RNF2: variants seen among roughly 807,000 people sequenced by gnomAD.
The protein encoded by RNF2 is E3 ubiquitin-protein ligase RING2.
In RNF2, 6 loss-of-function variants were observed where a neutral mutation model predicts 37.2. The observed-to-expected ratio is 0.16, with a 90% confidence interval of 0.09 to 0.32. The LOEUF is 0.32. Ranked by LOEUF, RNF2 falls within the 10% of genes least tolerant of loss-of-function variation. RNF2 has a pLI of 1.00. For missense variants in RNF2, 251 were observed against 404.0 expected (o/e 0.62, Z 3.25); for synonymous variants, 133 against 132.7 (o/e 1.00, Z -0.02).
At chr1:185,081,727 C>T (rs1021805984) in intron 1 of RNF2, among the ~76,000 whole-genome samples, 3 of 151,936 alleles carry the variant, frequency 2.0e-5, no homozygotes, top group African/African-American at 7.2e-5. Flanking sequence ...ACTTTTGAAG[C>T]GTTGGTTGTG....
At chr1:185,081,860 G>A (rs1651420867) in intron 1 of RNF2, among the ~76,000 whole-genome samples, 1 of 152,160 alleles carries the variant, frequency 6.6e-6, no homozygotes, top group Non-Finnish European at 1.5e-5. Flanking sequence ...AGATGTAATG[G>A]TTTTGCTGGG....
At chr1:185,065,921 A>G (rs1650784820) in intron 1 of RNF2, among the ~76,000 whole-genome samples, 1 of 150,810 alleles carries the variant, frequency 6.6e-6, no homozygotes, top group African/African-American at 2.4e-5. Flanking sequence ...GTTGAATAGA[A>G]GTGATAAAAA....
intron 1 of RNF2, among the ~76,000 whole-genome samples, chr1:185,068,261 C>T (rs965761455): frequency 2.7e-4 from 41 of 152,164 alleles, no homozygotes; most frequent in Admixed American, 2.6e-3. Context: ...GGGTTATAGT[C>T]ACTCTTACTT....
intron 2 of RNF2, 147 bp from the exon 3 acceptor site, chr1:185,091,432 C>T (rs775024802): frequency 2.9e-6 from 2 of 687,308 alleles, no homozygotes; most frequent in Non-Finnish European, 4.7e-6. Flanking sequence ...ATAGTTGAAA[C>T]AAAATTAGCT....
At chr1:185,092,263 A>G (rs1366641503) in intron 3 of RNF2, among the ~76,000 whole-genome samples, 1 of 141,024 alleles carries the variant, frequency 7.1e-6, no homozygotes, top group East Asian at 2.1e-4. Flanking sequence ...TGCAACCTCC[A>G]CCTCCCGGGT....
At chr1:185,050,755 T>C (rs1006741851) in intron 1 of RNF2, among the ~76,000 whole-genome samples, 1 of 152,210 alleles carries the variant, frequency 6.6e-6, no homozygotes, top group African/African-American at 2.4e-5. Context: ...TACCAATAGG[T>C]GATCTAAAAA....
chr1:185,055,064 C>T (rs988377372), intron 1 of RNF2, among the ~76,000 whole-genome samples: 2 of 152,212 alleles, frequency 1.3e-5, no homozygotes, highest in African/African-American at 4.8e-5. Context: ...AGTTTCATTA[C>T]ACATGTAGGA....
chr1:185,083,768 G>A (rs184715393), intron 1 of RNF2, among the ~76,000 whole-genome samples: 12 of 150,800 alleles, frequency 8.0e-5, no homozygotes, highest in African/African-American at 2.9e-4. Flanking sequence ...ACCACTCCTG[G>A]CTAACATTTT....
intron 1 of RNF2, among the ~76,000 whole-genome samples, chr1:185,060,118 A>C (rs1650555455): frequency 6.6e-6 from 1 of 152,256 alleles, no homozygotes; most frequent in African/African-American, 2.4e-5. Context: ...ACCACTTTGC[A>C]GAAGCTGCTG....
chr1:185,090,296 A>T (rs1651731722), intron 2 of RNF2, among the ~76,000 whole-genome samples: 1 of 152,158 alleles, frequency 6.6e-6, no homozygotes. Flanking sequence ...ACATCTGCAC[A>T]GGTACAGCCC....
At chr1:185,087,027 G>T (rs910044273) in intron 1 of RNF2, among the ~76,000 whole-genome samples, 4 of 152,182 alleles carry the variant, frequency 2.6e-5, no homozygotes, top group African/African-American at 9.7e-5. Flanking sequence ...TTACTGTCAA[G>T]TAGTTCATAT....
chr1:185,075,397 A>G lies in RNF2; in HGVS notation c.-2-12155A>G, dbSNP rs888099818. Among the ~76,000 whole-genome samples the G allele has an allele frequency of 2.0e-5, 3 of 152,196 alleles. No homozygotes were observed. The East Asian group carries it at 5.8e-4, about 29-fold the overall frequency. ...ATTCCTTATGCGAAATACTGTAATT[A>G]TGCCTTAACTGCCAAATTGTTCTGT... On this transcript the variant is annotated intron_variant, in intron 1 of 6. Coordinates refer to ENST00000367510, the MANE Select transcript of RNF2 (RefSeq NM_007212.4).
intron 1 of RNF2, among the ~76,000 whole-genome samples, chr1:185,065,320 A>G (rs1317924951): frequency 6.6e-6 from 1 of 152,242 alleles, no homozygotes; most frequent in African/African-American, 2.4e-5. Context: ...TGGACCAATC[A>G]GTAGGATGTG....
chr1:185,065,715 G>C (rs1410301360), intron 1 of RNF2, among the ~76,000 whole-genome samples: 1 of 152,188 alleles, frequency 6.6e-6, no homozygotes, highest in East Asian at 1.9e-4. Context: ...ATCTTTAAGA[G>C]CTGTAACACT....
At chr1:185,070,400 A>C (rs550555745) in intron 1 of RNF2, among the ~76,000 whole-genome samples, 4 of 152,328 alleles carry the variant, frequency 2.6e-5, no homozygotes, top group Non-Finnish European at 5.9e-5. Flanking sequence ...GTTTTATAAC[A>C]TAAAGGGATC....
At chr1:185,074,717 G>C (rs942624973) in intron 1 of RNF2, among the ~76,000 whole-genome samples, 5 of 152,094 alleles carry the variant, frequency 3.3e-5, no homozygotes, top group African/African-American at 4.8e-5. Flanking sequence ...AACGTGTACA[G>C]ATTTTTTTTC....
chr1:185,050,943 A>T (rs1650251715), intron 1 of RNF2, among the ~76,000 whole-genome samples: 1 of 152,244 alleles, frequency 6.6e-6, no homozygotes, highest in Non-Finnish European at 1.5e-5. Context: ...TCCCAAAAAT[A>T]AAACATTATG....
chr1:185,100,135 G>T, intron 6 of RNF2, 65 bp from the exon 7 acceptor site: 1 of 1,348,732 alleles, frequency 7.4e-7, no homozygotes, highest in Non-Finnish European at 1.0e-6. Flanking sequence ...TTCCATTTTA[G>T]TTTCATTTCA....
chr1:185,093,433 G>A (rs1651825379), intron 4 of RNF2, among the ~76,000 whole-genome samples, 157 bp downstream of exon 4: 1 of 151,916 alleles, frequency 6.6e-6, no homozygotes, highest in Non-Finnish European at 1.5e-5. Context: ...GGCATAATAG[G>A]GTATTTCATT....
Sources: allele counts gnomAD v4.1 joint callset (sites outside exome capture counted in the v4.1 genomes callset), GRCh38; gene constraint gnomAD v4.1.1; transcripts MANE v1.5; gene names NCBI Gene and HGNC (gene_info 2026-07-23, HGNC 2026-07-21).